Variants in ZNF30 observed in about 807,000 individuals in gnomAD.
ZNF30 encodes zinc finger protein 30, also known as zinc finger protein 30 (KOX 28).
Under a neutral mutation model 13.2 loss-of-function variants are expected in ZNF30, and 15 were observed. The ratio of observed to expected loss-of-function variants is 1.13; its 90% confidence interval spans 0.76 to 1.75. The LOEUF is 1.75. Among genes scored for constraint, ZNF30 ranks in the 40% most tolerant of loss-of-function variants. ZNF30 has a pLI of 0.00. For missense variants in ZNF30, 726 were observed against 757.0 expected (o/e 0.96, Z 0.48); for synonymous variants, 223 against 256.6 (o/e 0.87, Z 1.25).
chr19:34,940,315 A>G (rs2012974437), intron 4 of ZNF30, among the ~76,000 whole-genome samples: 1 of 152,126 alleles, frequency 6.6e-6, no homozygotes, highest in Admixed American at 6.5e-5. Flanking sequence ...TGATTATCCA[A>G]ATGTACACAA....
chr19:34,926,653 T>G, upstream of ZNF30: 3 of 262,818 alleles, frequency 1.1e-5, no homozygotes, highest in Admixed American at 5.4e-5. Context: ...AGTTTTCATA[T>G]TTTTGTGTTA....
intron 4 of ZNF30, among the ~76,000 whole-genome samples, chr19:34,938,698 G>A (rs1268951853): frequency 2.0e-5 from 3 of 152,138 alleles, no homozygotes; most frequent in Non-Finnish European, 2.9e-5. Flanking sequence ...CCCACCGGAG[G>A]TTCATCTTAG....
chr19:34,933,778 G>A, intron 4 of ZNF30, 55 bp downstream of exon 4: 1 of 1,237,878 alleles, frequency 8.1e-7, no homozygotes, highest in Admixed American at 2.0e-5. Flanking sequence ...CAGCCCAGCT[G>A]TCAGGGAGGA....
intron 4 of ZNF30, among the ~76,000 whole-genome samples, chr19:34,939,504 G>C (rs538904532): frequency 3.3e-5 from 5 of 152,138 alleles, no homozygotes; most frequent in African/African-American, 1.2e-4. Flanking sequence ...AGTAGAGATG[G>C]GGTTTCACCA....
chr19:34,928,250 T>TATATAGATAG (rs1315905262), intron 1 of ZNF30, among the ~76,000 whole-genome samples: 1 of 53,480 alleles, frequency 1.9e-5, no homozygotes, highest in Non-Finnish European at 3.2e-5. Flanking sequence ...TATATATATA[T>TATATAGATAG]ATATAGATAG....
In ZNF30 at chr19:34,943,387, A is replaced by C. The variant is rs1243006822; in HGVS notation, c.421A>C (p.Ile141Leu). The C allele has an allele frequency of 2.5e-6, 4 of 1,614,014 alleles. No individual in the cohort carries two copies. In the South Asian group the frequency reaches 4.4e-5, roughly 18 times the overall value. ...QDSKPVQHER[I>L]HSSEKPNRCK... is the part of the protein sequence containing the mutation. ...CTCAAAGCCTGTTCAACATGAAAGAATACATAGTAGTGAAAAACCCAACAG... is the reference window on the plus strand; with the variant it reads ...CTCAAAGCCTGTTCAACATGAAAGACTACATAGTAGTGAAAAACCCAACAG... The change falls in exon 5 of 5, where the codon ATA becomes CTA. Residue 141 changes from isoleucine (I) to leucine (L), a missense_variant. Ile to Leu is a conservative substitution (Grantham distance 5). Transcript: ENST00000601142.
At chr19:34,939,980 T>C (rs2012951069) in intron 4 of ZNF30, among the ~76,000 whole-genome samples, 1 of 152,252 alleles carries the variant, frequency 6.6e-6, no homozygotes. Flanking sequence ...ATTGTAAAAT[T>C]GAATGAAATT....
At position 34,930,695 on chromosome 19, in the gene ZNF30, C is replaced by CA. The variant is rs869104669; in HGVS notation, c.9+747dup. On this transcript the variant is annotated intron_variant, in intron 2 of 4. Transcript: ENST00000601142. ...CAGCATGGCAAGACCCTGTCTCTAC[C>CA]AAAAAAAATTTTTTTTAATTAGCCA... is the stretch of plus-strand genomic sequence containing the variant. Among the ~76,000 whole-genome samples the CA allele has an allele frequency of 5.9e-5, 9 of 151,816 alleles. 1 individual carries two copies. Among genetic ancestry groups the CA allele is most frequent in the Admixed American group, 4.6e-4 (7 of 15,248 alleles).
chr19:34,925,428 G>C (rs997764087), upstream of ZNF30, among the ~76,000 whole-genome samples: 4 of 152,314 alleles, frequency 2.6e-5, no homozygotes, highest in Admixed American at 2.0e-4. Context: ...CCGCAGCACC[G>C]GCTCTCCTTG....
chr19:34,942,742 T>G, intron 4 of ZNF30: 7 of 698,598 alleles, frequency 1.0e-5, no homozygotes, highest in Non-Finnish European at 1.5e-5. Context: ...ACAGAGGGAG[T>G]TGTGTCTTGA....
chr19:34,928,220 A>AAAAAATATATAT (rs1555778254), intron 1 of ZNF30, among the ~76,000 whole-genome samples: 11 of 73,406 alleles, frequency 1.5e-4, no homozygotes, highest in East Asian at 3.1e-4. Context: ...AAAAAAAAAA[A>AAAAAATATATAT]ATATATATAT....
rs754868274 is a variant in ZNF30, at chr19:34,933,706, G to A, written c.239G>A (p.Gly80Glu). 6.9e-6 allele frequency: 11 copies of A among 1,586,310 alleles called. No homozygotes were observed. In the Admixed American group the frequency reaches 9.0e-5, roughly 13 times the overall value. ...KEPEVTVRKD[G>E]RRWCTDLQLE... ...CCTGAAGTGACAGTGAGGAAAGATG[G>A]AAGAAGATGGTGCACAGGTGAGTAA... The change falls in exon 4 of 5, where the codon GGA (glycine) becomes GAA (glutamate). Residue 80 changes from glycine (G) to glutamate (E), a missense_variant. Physicochemically the swap from Gly to Glu is moderately conservative, Grantham distance 98 (BLOSUM62 -2). Transcript: ENST00000601142.
rs755485267 is a variant in ZNF30, at chr19:34,944,460, C to G, written c.1494C>G (p.Tyr498Ter). 80 of 1,611,646 alleles carry G rather than the reference C, an allele frequency of 5.0e-5. No homozygotes were observed. Among genetic ancestry groups the G allele is most frequent in the Non-Finnish European group, 6.8e-5 (80 of 1,179,456 alleles). The stretch of plus-strand genomic sequence containing the variant: ...GAAAGACTTTTAGTCGAGCCTCGTA[C>G]CTTGTACAACATAGCAGAATCCATA... ...ECGKTFSRAS[Y>*]LVQHSRIHTG... Residue 498 changes from tyrosine (Y) to a stop codon, truncating the protein, a stop_gained, in exon 5 of 5, where the codon TAC (tyrosine) becomes TAG (stop). Coordinates refer to ENST00000601142, the MANE Select transcript of ZNF30 (RefSeq NM_194325.3). LOFTEE classifies it low-confidence loss of function (END_TRUNC).
chr19:34,933,619 C>G lies in ZNF30; in HGVS notation c.161-9C>G. On this transcript the variant is annotated splice_polypyrimidine_tract_variant and intron_variant, in intron 3 of 4. Coordinates refer to ENST00000601142, the MANE Select transcript of ZNF30 (RefSeq NM_194325.3). ...TTATTTCTTTTCTACATTCTTATCTCATAAGCAGGACATTCCCGTTCTAAA... is the reference window on the plus strand; with the variant it reads ...TTATTTCTTTTCTACATTCTTATCTGATAAGCAGGACATTCCCGTTCTAAA... The G allele has an allele frequency of 2.5e-6, 4 of 1,580,708 alleles. No homozygotes were observed. The highest frequency in any genetic ancestry group is 3.4e-6 in the Non-Finnish European group (4 of 1,159,798).
Position 34,944,731 on chromosome 19 carries a change from G to A in ZNF30, c.1765G>A (p.Val589Ile), listed in dbSNP as rs1489669872. 1 of 1,613,914 alleles carries A rather than the reference G, an allele frequency of 6.2e-7. No homozygotes were observed. Among genetic ancestry groups the A allele is most frequent in the South Asian group, 1.1e-5 (1 of 91,052 alleles). ...TTCATTCCTTACTGAACATCAGCGG[G>A]TACACACTGGTGAGAAACCCTTTAA... ...LNSFLTEHQR[V>I]HTGEKPFKCK... Residue 589 changes from valine to isoleucine, a missense_variant, in exon 5 of 5, where the codon GTA becomes ATA. By Grantham distance (29) the Val-to-Ile change is conservative. Coordinates refer to ENST00000601142, the MANE Select transcript of ZNF30 (RefSeq NM_194325.3).
Position 34,944,352 on chromosome 19 carries a change from C to T in ZNF30, c.1386C>T (p.Gly462=). 1 of 1,613,950 alleles carries T rather than the reference C, an allele frequency of 6.2e-7. No homozygotes were observed. Among genetic ancestry groups the T allele is most frequent in the Non-Finnish European group, 8.5e-7 (1 of 1,179,992 alleles). The part of the protein sequence containing the change: ...GEKPYECKEC[G]KAFRVHVHLT... ...AACCCTATGAGTGTAAGGAATGTGGCAAGGCCTTCAGAGTGCACGTACATC... is the reference window on the plus strand; with the variant it reads ...AACCCTATGAGTGTAAGGAATGTGGTAAGGCCTTCAGAGTGCACGTACATC... The change falls in exon 5 of 5, where the codon GGC becomes GGT. Residue 462 remains glycine (G), a synonymous_variant. Transcript: ENST00000601142.
upstream of ZNF30, chr19:34,926,701 G>GTTTGTT: frequency 5.4e-6 from 2 of 368,948 alleles, no homozygotes; most frequent in Middle Eastern, 7.0e-4. Flanking sequence ...ATCATTTTTT[G>GTTTGTT]TTTGTTTTTG....
chr19:34,924,388 A>T (rs1050256022), upstream of ZNF30, among the ~76,000 whole-genome samples: 3 of 152,116 alleles, frequency 2.0e-5, no homozygotes, highest in African/African-American at 7.2e-5. Context: ...GCAAAATACA[A>T]ATTTCTATTG....
rs576338540 is a variant in ZNF30 at position 34,934,981 on chromosome 19, G to A, written c.256+1258G>A. ...GCGGTGGCTCACGCCTGTAATCCCA[G>A]TACTTTGGGAGGCTGAGGTGGGTGG... On this transcript the variant is annotated intron_variant, in intron 4 of 4. Transcript: ENST00000601142. Among the ~76,000 whole-genome samples, 5 of 152,264 alleles carry A rather than the reference G, an allele frequency of 3.3e-5. No individual in the cohort carries two copies. The South Asian group carries it at 1.0e-3, about 32-fold the overall frequency.
Sources: allele counts gnomAD v4.1 joint callset (sites outside exome capture counted in the v4.1 genomes callset), GRCh38; gene constraint gnomAD v4.1.1; transcripts MANE v1.5; gene names NCBI Gene and HGNC (gene_info 2026-07-23, HGNC 2026-07-21).